The following UTRN variants were observed in gnomAD, a reference collection of about 807,000 sequenced individuals.
UTRN encodes the protein dystrophin-related protein 1.
UTRN carries 283 observed loss-of-function variants against 463.9 expected under a neutral mutation model. The observed-to-expected ratio is 0.61, with a 90% CI of 0.55 to 0.67. UTRN has a LOEUF of 0.67. Ranked by LOEUF, UTRN falls within the 30% of genes least tolerant of loss-of-function variation. UTRN has a pLI of 0.00. For missense variants in UTRN, 3,922 were observed against 4,084.3 expected, an observed-to-expected ratio of 0.96 and a Z score of 1.08; for synonymous variants, 1,442 against 1,431.5, an observed-to-expected ratio of 1.01 and a Z score of -0.17.
chr6:144,434,780 A>G (rs1286979892), intron 9 of UTRN, among the ~76,000 whole-genome samples: 1 of 152,210 alleles, frequency 6.6e-6, no homozygotes, highest in Non-Finnish European at 1.5e-5. Context: ...GCAGGAAACC[A>G]GGGCAGTGTC....
chr6:144,560,464 C>T (rs749930767), intron 50 of UTRN, among the ~76,000 whole-genome samples: 1 of 152,036 alleles, frequency 6.6e-6, no homozygotes, highest in African/African-American at 2.4e-5. Context: ...GCCATCACAC[C>T]CCGTCTAATG....
intron 2 of UTRN, among the ~76,000 whole-genome samples, chr6:144,319,423 C>G (rs1189109402): frequency 6.6e-6 from 1 of 152,144 alleles, no homozygotes; most frequent in Non-Finnish European, 1.5e-5. Flanking sequence ...GATTGTTTCT[C>G]GGAATAACTT....
chr6:144,344,090 CAAAA>C (rs34356247), intron 2 of UTRN: 1,800 of 844,298 alleles, frequency 2.1e-3, no homozygotes, highest in East Asian at 4.2e-3. Flanking sequence ...TAAAAGCCAC[CAAAA>C]AAAAAAAAAA....
At chr6:144,754,362 C>T (rs1466131904) in intron 56 of UTRN, among the ~76,000 whole-genome samples, 1 of 152,148 alleles carries the variant, frequency 6.6e-6, no homozygotes, top group Non-Finnish European at 1.5e-5. Context: ...AGTGTTGCCA[C>T]TCACTAGCTT....
In UTRN at chr6:144,661,798, A is replaced by G. The variant is rs577309074; in HGVS notation, c.7480-16608A>G. Among the ~76,000 whole-genome samples the G allele has an allele frequency of 2.6e-4, 39 of 152,236 alleles. 1 individual carries two copies. Among genetic ancestry groups the G allele is most frequent in the Non-Finnish European group, 4.7e-4 (32 of 68,034 alleles). ...GCTATTAGTCTTAAAAGTCTAGGTC[A>G]GATACCAGGGGTTCCTAACCTGCCT... On this transcript the variant is annotated intron_variant, in intron 51 of 74. Coordinates refer to ENST00000367545, the MANE Select transcript of UTRN (RefSeq NM_007124.3).
At chr6:144,635,338 A>C (rs1777005302) in intron 51 of UTRN, among the ~76,000 whole-genome samples, 1 of 151,124 alleles carries the variant, frequency 6.6e-6, no homozygotes, top group South Asian at 2.1e-4. Context: ...ATTTGTAGAT[A>C]CAGGGTTTCG....
intron 3 of UTRN, among the ~76,000 whole-genome samples, chr6:144,421,126 C>T (rs1044645088): frequency 6.6e-6 from 1 of 152,114 alleles, no homozygotes; most frequent in Non-Finnish European, 1.5e-5. Flanking sequence ...CCTGCCTCAG[C>T]CTCCCGAGTA....
At chr6:144,758,081 AGAATT>A (rs1197403019) in intron 58 of UTRN, 92 bp downstream of exon 58, 6 of 1,086,842 alleles carry the variant, frequency 5.5e-6, no homozygotes, top group Non-Finnish European at 8.0e-6. Flanking sequence ...TTTTAAAAAT[AGAATT>A]CAGTCCTATT....
intron 51 of UTRN, among the ~76,000 whole-genome samples, chr6:144,579,554 T>C (rs1265798443): frequency 2.6e-5 from 4 of 152,310 alleles, no homozygotes; most frequent in African/African-American, 9.6e-5. Flanking sequence ...GGATATATTC[T>C]TACCATAGCT....
rs533971761 is a variant in UTRN, at chr6:144,708,911, A to C, written c.7809+8668A>C. ...TTCCTGCTGTGTCATCCAATGGTGG[A>C]AAGCACAAAGGCAAGAGAGCGTTCA... On this transcript the variant is annotated intron_variant, in intron 53 of 74. Coordinates refer to ENST00000367545, the MANE Select transcript of UTRN (RefSeq NM_007124.3). Among the ~76,000 whole-genome samples the C allele has an allele frequency of 1.2e-3, 177 of 152,284 alleles. 2 individuals are homozygous for C. The highest frequency in any genetic ancestry group is 3.4e-3 in the Middle Eastern group (1 of 294).
intron 50 of UTRN, among the ~76,000 whole-genome samples, chr6:144,568,885 GT>G (rs1376480598): frequency 6.6e-6 from 1 of 152,168 alleles, no homozygotes; most frequent in Non-Finnish European, 1.5e-5. Flanking sequence ...CATACAGCTA[GT>G]AAATGGTGGA....
chr6:144,774,834 C>T (rs1412307765), intron 60 of UTRN, among the ~76,000 whole-genome samples: 1 of 152,166 alleles, frequency 6.6e-6, no homozygotes, highest in Non-Finnish European at 1.5e-5. Flanking sequence ...TTAAATATAT[C>T]TTGAGACATT....
chr6:144,402,729 T>C (rs989630471), intron 2 of UTRN, among the ~76,000 whole-genome samples: 4 of 152,202 alleles, frequency 2.6e-5, no homozygotes, highest in African/African-American at 9.7e-5. Flanking sequence ...ACTTTAATTT[T>C]TGTTTTTAGC....
At chr6:144,518,721 T>C (rs1241549858) in intron 39 of UTRN, among the ~76,000 whole-genome samples, 1 of 152,184 alleles carries the variant, frequency 6.6e-6, no homozygotes. Context: ...TGGCACAAAA[T>C]AGAAATAAGT....
chr6:144,681,831 T>A (rs914929505), intron 52 of UTRN, among the ~76,000 whole-genome samples: 1 of 152,146 alleles, frequency 6.6e-6, no homozygotes, highest in African/African-American at 2.4e-5. Flanking sequence ...AAAATTTTTT[T>A]AATTTTATTT....
intron 2 of UTRN, among the ~76,000 whole-genome samples, chr6:144,346,294 C>T (rs1168385824): frequency 6.6e-6 from 1 of 152,112 alleles, no homozygotes; most frequent in East Asian, 1.9e-4. Flanking sequence ...TTCTTTCCTG[C>T]CCTATGACCA....
intron 53 of UTRN, among the ~76,000 whole-genome samples, chr6:144,721,087 A>G (rs1055563322): frequency 6.6e-6 from 1 of 152,206 alleles, no homozygotes; most frequent in Non-Finnish European, 1.5e-5. Context: ...TCTTTTGGAC[A>G]CAAGATAATC....
chr6:144,480,076 T>G (rs781573376), intron 26 of UTRN, 94 bp downstream of exon 26: 3 of 1,400,134 alleles, frequency 2.1e-6, no homozygotes, highest in South Asian at 1.5e-5. Flanking sequence ...TCAAACACTA[T>G]GTGCATGTAG....
Position 144,748,265 on chromosome 6 carries a change from A to G in UTRN, c.7959A>G (p.Arg2653=), listed in dbSNP as rs1196217988. 1 of 1,611,616 alleles carries G rather than the reference A, an allele frequency of 6.2e-7. No individual in the cohort carries two copies. The highest frequency in any genetic ancestry group is 8.5e-7 in the Non-Finnish European group (1 of 1,179,706). The part of the protein sequence containing the change: ...QSKTELTPEE[R]AQKIAKAMRK... ...TCACAGAATTAACTCCTGAGGAGAG[A>G]GCCCAAAAGATTGCCAAAGCCATGC... The change falls in exon 55 of 75, where the codon AGA becomes AGG. Residue 2653 remains arginine, a synonymous_variant. Coordinates refer to ENST00000367545, the MANE Select transcript of UTRN (RefSeq NM_007124.3).
Sources: allele counts gnomAD v4.1 joint callset (sites outside exome capture counted in the v4.1 genomes callset), GRCh38; gene constraint gnomAD v4.1.1; transcripts MANE v1.5; gene names NCBI Gene and HGNC (gene_info 2026-07-23, HGNC 2026-07-21).